Variants in KLHL29 observed in about 807,000 individuals in gnomAD.
KLHL29 encodes the protein kelch-like protein 29.
In KLHL29, 21 loss-of-function variants were observed where a neutral mutation model predicts 80.4. The ratio of observed to expected loss-of-function variants is 0.26; its 90% CI spans 0.19 to 0.38. KLHL29 has a LOEUF of 0.38. Among genes scored for constraint, KLHL29 ranks in the 10% least tolerant of loss-of-function variants. The pLI, the probability that KLHL29 is intolerant of heterozygous loss-of-function variation, is 1.00. For synonymous variants in KLHL29, 511 were observed against 526.8 expected (o/e 0.97, Z 0.41); for missense variants, 867 against 1,223.9 (o/e 0.71, Z 4.35).
intron 4 of KLHL29, among the ~76,000 whole-genome samples, chr2:23,640,382 A>T (rs1340013888): frequency 6.6e-6 from 1 of 151,982 alleles, no homozygotes; most frequent in East Asian, 1.9e-4. Context: ...TCATAAGTAA[A>T]TCACCTCCAT....
intron 1 of KLHL29, among the ~76,000 whole-genome samples, chr2:23,394,418 C>G (rs940348663): frequency 6.6e-6 from 1 of 152,142 alleles, no homozygotes; most frequent in Non-Finnish European, 1.5e-5. Flanking sequence ...CTCACCCTGT[C>G]GCATGGGTGA....
At chr2:23,558,838 A>G (rs1247376745) in intron 2 of KLHL29, among the ~76,000 whole-genome samples, 1 of 152,268 alleles carries the variant, frequency 6.6e-6, no homozygotes, top group Non-Finnish European at 1.5e-5. Flanking sequence ...GCAATGAAGA[A>G]AAAACAAGCA....
intron 1 of KLHL29, among the ~76,000 whole-genome samples, chr2:23,468,605 C>G (rs1218329829): frequency 6.6e-6 from 1 of 152,204 alleles, no homozygotes; most frequent in African/African-American, 2.4e-5. Context: ...ATTCCAGACC[C>G]TAGGAGTGAG....
At chr2:23,598,584 AC>A (rs1159075068) in intron 3 of KLHL29, among the ~76,000 whole-genome samples, 1 of 152,226 alleles carries the variant, frequency 6.6e-6, no homozygotes, top group African/African-American at 2.4e-5. Flanking sequence ...AGAACTGATC[AC>A]CCCTCTCCAA....
chr2:23,616,558 T>G (rs1239715180), intron 3 of KLHL29: 1 of 152,190 alleles, frequency 6.6e-6, no homozygotes, highest in East Asian at 1.9e-4. Flanking sequence ...AAGCAAACAA[T>G]TCACAAAGAC....
intron 2 of KLHL29, among the ~76,000 whole-genome samples, chr2:23,527,333 C>G (rs963069002): frequency 3.9e-5 from 6 of 152,194 alleles, no homozygotes; most frequent in Non-Finnish European, 7.4e-5. Context: ...CCCAGCCACC[C>G]CAGGGTGGGG....
At chr2:23,597,381 GTGTATATATATA>G (rs1425684161) in intron 3 of KLHL29, among the ~76,000 whole-genome samples, 616 of 58,844 alleles carry the variant, frequency 0.01, 35 homozygotes, top group Middle Eastern at 0.016. Flanking sequence ...ATGTGTGTGT[GTGTATATATATA>G]TATATATATA....
At chr2:23,548,972 G>C (rs972143425) in intron 2 of KLHL29, among the ~76,000 whole-genome samples, 3 of 152,216 alleles carry the variant, frequency 2.0e-5, no homozygotes, top group Non-Finnish European at 4.4e-5. Context: ...GGGGGTCACT[G>C]ATCCCTTCCC....
chr2:23,447,431 C>T (rs1663729215), intron 1 of KLHL29, among the ~76,000 whole-genome samples: 1 of 152,220 alleles, frequency 6.6e-6, no homozygotes, highest in South Asian at 2.1e-4. Flanking sequence ...AAGGTGGCTG[C>T]ATTGGCCTTG....
intron 3 of KLHL29, among the ~76,000 whole-genome samples, chr2:23,627,537 G>T (rs1416842248): frequency 6.6e-6 from 1 of 152,246 alleles, no homozygotes; most frequent in South Asian, 2.1e-4. Flanking sequence ...ACTTGTTTGG[G>T]TGAGTCTTGA....
chr2:23,519,515 T>G (rs1318459316), intron 2 of KLHL29, among the ~76,000 whole-genome samples: 1 of 152,138 alleles, frequency 6.6e-6, no homozygotes, highest in Non-Finnish European at 1.5e-5. Flanking sequence ...ACCAGGGTGT[T>G]GCCCTATTTA....
chr2:23,564,795 G>T (rs1473938042), intron 3 of KLHL29, among the ~76,000 whole-genome samples: 1 of 152,224 alleles, frequency 6.6e-6, no homozygotes, highest in African/African-American at 2.4e-5. Context: ...CCCTCGGGGA[G>T]CTCACGGCTC....
intron 4 of KLHL29, 90 bp downstream of exon 4, chr2:23,639,370 A>T (rs1375208715): frequency 4.4e-6 from 6 of 1,351,732 alleles, no homozygotes; most frequent in Non-Finnish European, 6.0e-6. Flanking sequence ...CCTGCACAGC[A>T]GGTCTTGAAC....
In KLHL29 at chr2:23,608,322, A is replaced by G. The variant is rs373838357; in HGVS notation, c.286-30817A>G. Among the ~76,000 whole-genome samples, 13 of 152,328 alleles carry G rather than the reference A, an allele frequency of 8.5e-5. No individual in the cohort carries two copies. In the South Asian group the frequency reaches 1.0e-3, roughly 12 times the overall value. ...ATATCTATAGCTTACTGTCTGTACCAGGAACTCCCACGCGCCTGTGAGGTC... is the reference window on the plus strand; with the variant it reads ...ATATCTATAGCTTACTGTCTGTACCGGGAACTCCCACGCGCCTGTGAGGTC... On this transcript the variant is annotated intron_variant, in intron 3 of 13. Coordinates refer to ENST00000486442, the MANE Select transcript of KLHL29 (RefSeq NM_052920.2).
intron 5 of KLHL29, among the ~76,000 whole-genome samples, chr2:23,656,947 A>AG: frequency 6.6e-6 from 1 of 152,040 alleles, no homozygotes; most frequent in East Asian, 1.9e-4. Context: ...AAAAAAAAAA[A>AG]AAAAACTGGT....
intron 5 of KLHL29, among the ~76,000 whole-genome samples, chr2:23,663,183 A>G (rs1283225463): frequency 1.3e-5 from 2 of 152,158 alleles, no homozygotes; most frequent in Admixed American, 6.5e-5. Context: ...GACGAATGCT[A>G]TGGAGTGAGA....
chr2:23,455,794 CAGTT>C (rs1253525815), intron 1 of KLHL29, among the ~76,000 whole-genome samples: 1 of 152,014 alleles, frequency 6.6e-6, no homozygotes, highest in Non-Finnish European at 1.5e-5. Context: ...TAGTCAGCCA[CAGTT>C]AGGCACTGAA....
chr2:23,534,071 T>C (rs1340721082), intron 2 of KLHL29, among the ~76,000 whole-genome samples: 1 of 152,150 alleles, frequency 6.6e-6, no homozygotes, highest in Non-Finnish European at 1.5e-5. Context: ...AGTCCCCGGT[T>C]TCGGGGATGC....
chr2:23,609,821 C>G (rs946060235), intron 3 of KLHL29, among the ~76,000 whole-genome samples: 1 of 152,090 alleles, frequency 6.6e-6, no homozygotes, highest in Admixed American at 6.5e-5. Context: ...AACCCAGACA[C>G]AAAGAGATTA....
Sources: allele counts gnomAD v4.1 joint callset (sites outside exome capture counted in the v4.1 genomes callset), GRCh38; gene constraint gnomAD v4.1.1; transcripts MANE v1.5; gene names NCBI Gene and HGNC (gene_info 2026-07-23, HGNC 2026-07-21).